The following PAK3 variants were observed in gnomAD, a reference collection of about 807,000 sequenced individuals.
The protein encoded by PAK3 is p21 (RAC1) activated kinase 3, also known as serine/threonine-protein kinase PAK 3.
A neutral mutation model predicts 41.0 loss-of-function variants in PAK3; 4 were observed. That is an observed-to-expected ratio of 0.10 (90% CI 0.05 to 0.22). The LOEUF (loss-of-function observed/expected upper bound fraction) is 0.22. Among genes scored for constraint, PAK3 ranks in the 10% least tolerant of loss-of-function variants. The pLI is 1.00. For synonymous variants in PAK3, 146 were observed against 139.6 expected (o/e 1.05, Z -0.32); for missense variants, 205 against 409.9 (o/e 0.50, Z 4.32).
chrX:111,133,359 T>G (rs2093745869), intron 5 of PAK3, among the ~76,000 whole-genome samples: 2 of 111,836 alleles, frequency 1.8e-5, no homozygotes, highest in African/African-American at 6.5e-5. Flanking sequence ...ACATACCTCC[T>G]CCAGTAAGCC....
At chrX:111,164,286 T>C (rs551744084) in intron 10 of PAK3, among the ~76,000 whole-genome samples, 3 of 111,260 alleles carry the variant, frequency 2.7e-5, no homozygotes, top group African/African-American at 9.8e-5. Context: ...TCTAGTTACT[T>C]TTCTGGGTCA....
intron 1 of PAK3, among the ~76,000 whole-genome samples, chrX:111,061,253 T>G (rs759639876): frequency 1.1e-3 from 120 of 112,341 alleles, no homozygotes; most frequent in Middle Eastern, 4.6e-3. Context: ...TAAAATGTAT[T>G]GAATAGTCGG....
Position 111,224,963 on chromosome X carries a change from A to G in PAK3, c.*4516A>G, listed in dbSNP as rs2094946295. ...AGTTAATATTCAGTTAAGCAAAGGT[A>G]TGGCCAGTAGTGCAAGTATCTCCCA... On this transcript the variant is annotated 3_prime_UTR_variant, in exon 18 of 18. Transcript: ENST00000372007. The G allele has an allele frequency of 8.9e-6, 1 of 112,029 alleles. No individual in the cohort carries two copies. Among genetic ancestry groups the G allele is most frequent in the Admixed American group, 9.5e-5 (1 of 10,504 alleles). The allele number at this position is 112,029 out of a possible 1,213,427, so 9.2% of individuals were successfully genotyped here.
chrX:110,987,617 T>C (rs2091567989), intron 1 of PAK3, among the ~76,000 whole-genome samples: 1 of 111,955 alleles, frequency 8.9e-6, no homozygotes. Context: ...GATTGAAAGG[T>C]ACAAATGTAG....
At chrX:111,087,434 A>G (rs866283234) in intron 1 of PAK3, among the ~76,000 whole-genome samples, 3 of 109,687 alleles carry the variant, frequency 2.7e-5, no homozygotes, top group Non-Finnish European at 3.8e-5. Context: ...AAAAAAAAAA[A>G]AAGGATTGAT....
intron 8 of PAK3, among the ~76,000 whole-genome samples, chrX:111,157,333 A>G (rs994824395): frequency 3.6e-5 from 4 of 111,490 alleles, no homozygotes; most frequent in Admixed American, 9.6e-5. Flanking sequence ...TAAGGTAGCT[A>G]CTCTAGCTGG....
chrX:111,104,257 C>T (rs2093208017), intron 4 of PAK3, among the ~76,000 whole-genome samples: 1 of 110,908 alleles, frequency 9.0e-6, no homozygotes, highest in Admixed American at 9.6e-5. Flanking sequence ...TCTGTCTGGT[C>T]TTCTGTCTAT....
chrX:111,146,606 C>T, intron 6 of PAK3: 1 of 831,012 alleles, frequency 1.2e-6, no homozygotes, highest in Non-Finnish European at 1.7e-6. Context: ...CAAAGTGCTT[C>T]TTTGAGATGT....
At chrX:111,199,721 A>G (rs2094657885) in intron 16 of PAK3, among the ~76,000 whole-genome samples, 1 of 111,803 alleles carries the variant, frequency 8.9e-6, no homozygotes, top group Non-Finnish European at 1.9e-5. Context: ...AAATGATTGG[A>G]AACAGTTTCC....
At chrX:111,135,666 A>C (rs1279652447) in intron 5 of PAK3, among the ~76,000 whole-genome samples, 1 of 111,701 alleles carries the variant, frequency 9.0e-6, no homozygotes, top group Admixed American at 9.5e-5. Flanking sequence ...TCGTGGTCTC[A>C]AATGTCAGTT....
intron 4 of PAK3, among the ~76,000 whole-genome samples, chrX:111,119,037 C>T (rs1381653318): frequency 9.0e-6 from 1 of 111,121 alleles, no homozygotes; most frequent in East Asian, 2.8e-4. Context: ...TTCTTGTGTG[C>T]CCCTGTGTGT....
intron 5 of PAK3, among the ~76,000 whole-genome samples, chrX:111,138,180 A>G (rs1007004032): frequency 5.5e-5 from 6 of 109,798 alleles, no homozygotes; most frequent in Admixed American, 4.9e-4. Context: ...TGGGTATATG[A>G]TTTAACCCCA....
intron 10 of PAK3, among the ~76,000 whole-genome samples, chrX:111,167,763 T>G (rs1306087109): frequency 9.1e-6 from 1 of 109,846 alleles, no homozygotes; most frequent in African/African-American, 3.3e-5. Flanking sequence ...TTAGGAGAAA[T>G]ACCTAATGTA....
intron 1 of PAK3, among the ~76,000 whole-genome samples, chrX:110,955,178 G>C (rs1004535884): frequency 1.4e-4 from 16 of 112,172 alleles, no homozygotes; most frequent in African/African-American, 4.9e-4. Flanking sequence ...GCAATTTCCA[G>C]ACTATACGTA....
At chrX:111,141,771 A>G (rs2093876453) in intron 5 of PAK3, among the ~76,000 whole-genome samples, 1 of 112,195 alleles carries the variant, frequency 8.9e-6, no homozygotes, top group African/African-American at 3.2e-5. Flanking sequence ...CTTCCTTAGT[A>G]AGTGATATTT....
At chrX:110,996,104 T>A (rs764070769) in intron 1 of PAK3, among the ~76,000 whole-genome samples, 17 of 112,067 alleles carry the variant, frequency 1.5e-4, no homozygotes, top group Middle Eastern at 4.2e-3. Flanking sequence ...CTCTTCTAGA[T>A]GAAGTAAATC....
At chrX:111,210,120 C>A (rs973681075) in intron 16 of PAK3, among the ~76,000 whole-genome samples, 2 of 111,047 alleles carry the variant, frequency 1.8e-5, no homozygotes, top group Non-Finnish European at 3.8e-5. Context: ...AGAAAGCCAC[C>A]GTTTTTCTGG....
intron 5 of PAK3, among the ~76,000 whole-genome samples, chrX:111,129,015 T>C (rs749925164): frequency 9.0e-6 from 1 of 111,503 alleles, no homozygotes; most frequent in South Asian, 3.8e-4. Flanking sequence ...ATTGAATATA[T>C]ATTGTTCTAA....
intron 1 of PAK3, among the ~76,000 whole-genome samples, chrX:111,052,093 C>T (rs368916806): frequency 8.9e-6 from 1 of 112,273 alleles, no homozygotes; most frequent in East Asian, 2.8e-4. Flanking sequence ...CATCCTTGGC[C>T]CTGCCTGAGC....
Sources: allele counts gnomAD v4.1 joint callset (sites outside exome capture counted in the v4.1 genomes callset), GRCh38; gene constraint gnomAD v4.1.1; transcripts MANE v1.5; gene names NCBI Gene and HGNC (gene_info 2026-07-23, HGNC 2026-07-21).